RGS7BP: variants seen among roughly 807,000 people sequenced by gnomAD.
RGS7BP encodes the protein regulator of G protein signaling 7 binding protein.
Under a neutral mutation model 31.3 loss-of-function variants are expected in RGS7BP, and 9 were observed. The observed-to-expected ratio is 0.29, with a 90% CI of 0.17 to 0.50. RGS7BP has a LOEUF of 0.50. Ranked by LOEUF, RGS7BP falls within the 20% of genes least tolerant of loss-of-function variation. The pLI is 0.98. For missense variants in RGS7BP, 274 were observed against 322.0 expected, an observed-to-expected ratio of 0.85 and a Z score of 1.14; for synonymous variants, 115 against 120.1, an observed-to-expected ratio of 0.96 and a Z score of 0.28.
Position 64,538,705 on chromosome 5 carries a change from C to T in RGS7BP, c.332+30828C>T, listed in dbSNP as rs573606329. Among the ~76,000 whole-genome samples the T allele has an allele frequency of 5.9e-5, 9 of 151,674 alleles. No individual in the cohort carries two copies. The South Asian group carries it at 1.5e-3, about 25-fold the overall frequency. ...CTGCGTAGCCGGGATTACAGGCACC[C>T]GCACCATGCCCAGCTAATTTTTGCA... On this transcript the variant is annotated intron_variant, in intron 2 of 5. Coordinates refer to ENST00000334025, the MANE Select transcript of RGS7BP (RefSeq NM_001029875.3).
intron 5 of RGS7BP, among the ~76,000 whole-genome samples, chr5:64,600,222 G>A (rs995480876): frequency 3.9e-5 from 6 of 152,044 alleles, no homozygotes; most frequent in Non-Finnish European, 7.4e-5. Flanking sequence ...CTGGCCTCTC[G>A]CCCTCCCTCA....
At chr5:64,512,112 G>A (rs1007891723) in intron 2 of RGS7BP, among the ~76,000 whole-genome samples, 1 of 152,196 alleles carries the variant, frequency 6.6e-6, no homozygotes, top group Non-Finnish European at 1.5e-5. Flanking sequence ...TGGCTGGGGG[G>A]CTGGTGGTCA....
At chr5:64,516,760 G>A (rs1196679371) in intron 2 of RGS7BP, among the ~76,000 whole-genome samples, 1 of 152,104 alleles carries the variant, frequency 6.6e-6, no homozygotes, top group Non-Finnish European at 1.5e-5. Flanking sequence ...AACATATGAG[G>A]CCTACCTGCC....
chr5:64,568,237 A>G (rs1742216244), intron 2 of RGS7BP, among the ~76,000 whole-genome samples: 1 of 152,302 alleles, frequency 6.6e-6, no homozygotes, highest in Middle Eastern at 3.4e-3. Context: ...TGAAGAATTC[A>G]GCACTCAGAC....
intron 2 of RGS7BP, among the ~76,000 whole-genome samples, chr5:64,518,885 G>A (rs1162500183): frequency 6.6e-6 from 1 of 152,032 alleles, no homozygotes; most frequent in African/African-American, 2.4e-5. Context: ...CAAGTAGAAA[G>A]GGCAGAGAGC....
chr5:64,558,460 T>G (rs188377954), intron 2 of RGS7BP, among the ~76,000 whole-genome samples: 1 of 152,300 alleles, frequency 6.6e-6, no homozygotes, highest in African/African-American at 2.4e-5. Context: ...CCTTATAATT[T>G]CCTATGCCTG....
In RGS7BP at chr5:64,515,711, TACACACAC is replaced by T. The variant is rs140297030; in HGVS notation, c.332+7850_332+7857del. On this transcript the variant is annotated intron_variant, in intron 2 of 5. Coordinates refer to ENST00000334025, the MANE Select transcript of RGS7BP (RefSeq NM_001029875.3). ...ACATTTAATTACTTGCCTATATGCA[TACACACAC>T]ACACACACACACACATATAATGCAC... 2.5e-3 allele frequency among the ~76,000 whole-genome samples: 379 copies of T among 148,738 alleles called. 2 individuals carry two copies. The highest frequency in any genetic ancestry group is 9.0e-3 in the African/African-American group (365 of 40,636).
chr5:64,551,849 C>A lies in RGS7BP; in HGVS notation c.333-23925C>A, dbSNP rs58440706. ...TTTTACTTTTTAAATTTTAAGATCACTTTTCAATTGTTCCAATTACATATC... is the reference window on the plus strand; with the variant it reads ...TTTTACTTTTTAAATTTTAAGATCAATTTTCAATTGTTCCAATTACATATC... On this transcript the variant is annotated intron_variant, in intron 2 of 5. Coordinates refer to ENST00000334025, the MANE Select transcript of RGS7BP (RefSeq NM_001029875.3). Among the ~76,000 whole-genome samples, 9 of 152,016 alleles carry A rather than the reference C, an allele frequency of 5.9e-5. No individual in the cohort carries two copies. In the South Asian group the frequency reaches 1.9e-3, roughly 31 times the overall value.
intron 2 of RGS7BP, among the ~76,000 whole-genome samples, chr5:64,534,648 C>A (rs1053828986): frequency 6.6e-6 from 1 of 152,120 alleles, no homozygotes; most frequent in African/African-American, 2.4e-5. Flanking sequence ...TACCCTTTGG[C>A]AGATGAGAGA....
intron 2 of RGS7BP, chr5:64,539,516 G>A (rs535853570): frequency 2.0e-5 from 3 of 152,144 alleles, no homozygotes; most frequent in African/African-American, 7.2e-5. Flanking sequence ...CAGGTGCAGT[G>A]GTGCTGGCCT....
At chr5:64,572,605 T>C (rs1055491434) in intron 2 of RGS7BP, among the ~76,000 whole-genome samples, 5 of 152,108 alleles carry the variant, frequency 3.3e-5, no homozygotes, top group African/African-American at 1.2e-4. Context: ...TGAGTGTATA[T>C]GTGACTTTGT....
intron 2 of RGS7BP, among the ~76,000 whole-genome samples, chr5:64,519,991 G>C (rs75555810): frequency 6.6e-6 from 1 of 152,054 alleles, no homozygotes; most frequent in Non-Finnish European, 1.5e-5. Context: ...CCAAGATGTC[G>C]GTCCTGTCCA....
intron 2 of RGS7BP, among the ~76,000 whole-genome samples, chr5:64,554,186 G>C (rs915960692): frequency 2.0e-5 from 3 of 152,088 alleles, no homozygotes; most frequent in African/African-American, 7.2e-5. Flanking sequence ...TTAAGCCAGG[G>C]TATTTATTCT....
intron 3 of RGS7BP, among the ~76,000 whole-genome samples, chr5:64,592,146 C>T (rs1742936658): frequency 6.6e-6 from 1 of 152,088 alleles, no homozygotes; most frequent in South Asian, 2.1e-4. Context: ...AACTTGACAC[C>T]ACATACATTC....
intron 2 of RGS7BP, among the ~76,000 whole-genome samples, chr5:64,516,364 G>T (rs889296723): frequency 6.6e-6 from 1 of 152,056 alleles, no homozygotes; most frequent in Non-Finnish European, 1.5e-5. Context: ...AGTGTCTATT[G>T]TGTCCCTTCT....
At chr5:64,607,023 C>A (rs1217233224) in intron 5 of RGS7BP, among the ~76,000 whole-genome samples, 2 of 152,040 alleles carry the variant, frequency 1.3e-5, no homozygotes, top group Non-Finnish European at 2.9e-5. Flanking sequence ...GCGGAGGCAC[C>A]TGTTTTCTTC....
intron 2 of RGS7BP, among the ~76,000 whole-genome samples, chr5:64,551,965 G>A (rs1741805422): frequency 6.6e-6 from 1 of 152,194 alleles, no homozygotes; most frequent in Middle Eastern, 3.4e-3. Context: ...ACAGAAGCAG[G>A]TTAGCTTGAC....
At position 64,506,340 on chromosome 5, in the gene RGS7BP, C is replaced by A. The variant is rs1437181538; in HGVS notation, c.-285C>A. The A allele has an allele frequency of 6.3e-6, 2 of 316,158 alleles. No individual in the cohort carries two copies. Among genetic ancestry groups the A allele is most frequent in the African/African-American group, 2.1e-5 (1 of 46,588 alleles). 19.6% of individuals were successfully genotyped at this position (316,158 alleles called of 1,614,324 possible). Reference sequence around the variant, plus strand: ...CCGAGAGGAAGGCAGTGCGAGCCCGCGCCAGCGCCCAGCTCCCGGGACAGG... The same window carrying A: ...CCGAGAGGAAGGCAGTGCGAGCCCGAGCCAGCGCCCAGCTCCCGGGACAGG... On this transcript the variant is annotated 5_prime_UTR_variant, in exon 1 of 6. Transcript: ENST00000334025. The surrounding 1 kb of genome is among the most constrained non-coding windows in gnomAD (Gnocchi z 4.6).
chr5:64,506,617 G>A lies in RGS7BP; in HGVS notation c.-8G>A, dbSNP rs1561315960. 1 of 1,582,988 alleles carries A rather than the reference G, an allele frequency of 6.3e-7. No homozygotes were observed. The highest frequency in any genetic ancestry group is 8.6e-7 in the Non-Finnish European group (1 of 1,156,336). ...CACCAGCGGCTTCGGCTTGGTGGAT[G>A]TGTATGCATGAGTTCTGCACCGAAT... On this transcript the variant is annotated 5_prime_UTR_variant, in exon 1 of 6. In the 5' UTR this introduces an upstream ATG that the reference lacks. Transcript: ENST00000334025. This position sits in a 1 kb window ranked among gnomAD's most constrained non-coding sequence, Gnocchi z 4.6.
Sources: allele counts gnomAD v4.1 joint callset (sites outside exome capture counted in the v4.1 genomes callset), GRCh38; gene constraint gnomAD v4.1.1; non-coding constraint Gnocchi (gnomAD v3.1); transcripts MANE v1.5; gene names NCBI Gene and HGNC (gene_info 2026-07-23, HGNC 2026-07-21).